The following MIR2052HG variants were observed in gnomAD, a reference collection of about 807,000 sequenced individuals.
The protein encoded by MIR2052HG is MIR2052 host gene.
intron 2 of MIR2052HG, among the ~76,000 whole-genome samples, chr8:74,681,461 G>A (rs899765323): frequency 1.3e-5 from 2 of 152,120 alleles, no homozygotes; most frequent in Non-Finnish European, 1.5e-5. Context: ...AGAGAGCCTG[G>A]TATTAAAGCA....
intron 4 of MIR2052HG, among the ~76,000 whole-genome samples, chr8:74,710,727 T>C (rs1809458932): frequency 6.6e-6 from 1 of 152,126 alleles, no homozygotes; most frequent in African/African-American, 2.4e-5. Context: ...ACTTATGGGG[T>C]TCATACAAAG....
At chr8:74,658,119 C>G (rs1456920155) in intron 2 of MIR2052HG, among the ~76,000 whole-genome samples, 1 of 152,104 alleles carries the variant, frequency 6.6e-6, no homozygotes, top group African/African-American at 2.4e-5. Context: ...TTTTCAAATA[C>G]CTATATACTC....
At chr8:74,714,669 G>A (rs1464436148) in intron 4 of MIR2052HG, among the ~76,000 whole-genome samples, 1 of 149,898 alleles carries the variant, frequency 6.7e-6, no homozygotes. Flanking sequence ...AGTAATGAAA[G>A]CCTTCTTTGG....
At chr8:74,703,482 G>A (rs1044611599) in intron 3 of MIR2052HG, 9 of 254,620 alleles carry the variant, frequency 3.5e-5, no homozygotes, top group African/African-American at 1.6e-4. Context: ...GCACCCAAAC[G>A]ATGACTGTAC....
chr8:74,696,062 A>T (rs1809292747), intron 2 of MIR2052HG, among the ~76,000 whole-genome samples: 1 of 152,174 alleles, frequency 6.6e-6, no homozygotes, highest in African/African-American at 2.4e-5. Flanking sequence ...AAGATAAACC[A>T]TATAATAGGC....
intron 4 of MIR2052HG, among the ~76,000 whole-genome samples, chr8:74,745,093 TACA>T (rs1809870281): frequency 6.6e-6 from 1 of 151,762 alleles, no homozygotes; most frequent in Non-Finnish European, 1.5e-5. Context: ...GTCCTGTCTC[TACA>T]AAAAAAAATG....
At chr8:74,736,127 T>C (rs550175218) in intron 4 of MIR2052HG, among the ~76,000 whole-genome samples, 29 of 152,314 alleles carry the variant, frequency 1.9e-4, no homozygotes, top group African/African-American at 7.0e-4. Flanking sequence ...TTAAAGTTTC[T>C]TGATCTGTGA....
At chr8:74,686,805 C>A (rs574551864) in intron 2 of MIR2052HG, among the ~76,000 whole-genome samples, 2 of 152,170 alleles carry the variant, frequency 1.3e-5, no homozygotes, top group South Asian at 4.1e-4. Flanking sequence ...ACTGGACTTA[C>A]CATTTATGTC....
intron 4 of MIR2052HG, among the ~76,000 whole-genome samples, chr8:74,715,697 C>T (rs923581949): frequency 6.6e-6 from 1 of 152,112 alleles, no homozygotes; most frequent in Non-Finnish European, 1.5e-5. Flanking sequence ...TGTAACTTGT[C>T]CCAGGCAAGG....
At chr8:74,744,241 T>C (rs1412144000) in intron 4 of MIR2052HG, among the ~76,000 whole-genome samples, 1 of 151,808 alleles carries the variant, frequency 6.6e-6, no homozygotes, top group Non-Finnish European at 1.5e-5. Flanking sequence ...AATCTTTTTT[T>C]AAATTTTTTT....
intron 1 of MIR2052HG, chr8:74,603,982 G>C (rs754836138): frequency 3.0e-5 from 29 of 964,782 alleles, no homozygotes; most frequent in Non-Finnish European, 4.6e-5. Flanking sequence ...TGTGCTACTG[G>C]TCATAGAGCT....
chr8:74,746,149 C>G (rs918800305), intron 4 of MIR2052HG, among the ~76,000 whole-genome samples: 3 of 152,164 alleles, frequency 2.0e-5, no homozygotes, highest in African/African-American at 7.2e-5. Context: ...CTCTCAATCA[C>G]TCGCAATGTA....
intron 2 of MIR2052HG, among the ~76,000 whole-genome samples, chr8:74,681,769 A>G (rs2128739129): frequency 1.3e-5 from 2 of 152,294 alleles, no homozygotes; most frequent in South Asian, 4.1e-4. Context: ...AGGCTCCAGA[A>G]CCATGAGTCA....
chr8:74,648,380 C>T (rs909814639), intron 2 of MIR2052HG, among the ~76,000 whole-genome samples: 5 of 152,128 alleles, frequency 3.3e-5, no homozygotes, highest in African/African-American at 7.2e-5. Flanking sequence ...TGTCTGCTCT[C>T]GAACTCTGTT....
intron 2 of MIR2052HG, among the ~76,000 whole-genome samples, chr8:74,631,902 TG>T (rs1455724191): frequency 6.6e-6 from 1 of 152,156 alleles, no homozygotes; most frequent in Non-Finnish European, 1.5e-5. Flanking sequence ...TTCTTTTATA[TG>T]GGCACAAATC....
chr8:74,685,660 A>C (rs1809173261), intron 2 of MIR2052HG, among the ~76,000 whole-genome samples: 1 of 152,142 alleles, frequency 6.6e-6, no homozygotes, highest in African/African-American at 2.4e-5. Flanking sequence ...GACTTTAGGC[A>C]TAATAATTGC....
intron 2 of MIR2052HG, among the ~76,000 whole-genome samples, chr8:74,661,523 T>C (rs1418461027): frequency 3.9e-5 from 6 of 152,116 alleles, no homozygotes; most frequent in Admixed American, 3.9e-4. Context: ...ACATTAAAGA[T>C]AAATCTAAAA....
chr8:74,696,283 G>A (rs1348125977), intron 2 of MIR2052HG, among the ~76,000 whole-genome samples: 2 of 152,014 alleles, frequency 1.3e-5, no homozygotes, highest in Admixed American at 6.6e-5. Flanking sequence ...AACGATAATA[G>A]TGACACAACC....
chr8:74,657,628 C>T (rs1485479413), intron 2 of MIR2052HG, among the ~76,000 whole-genome samples: 2 of 152,296 alleles, frequency 1.3e-5, no homozygotes, highest in African/African-American at 4.8e-5. Flanking sequence ...GCTGGGGAGG[C>T]CTCACAATCA....
Sources: gnomAD v4.1 joint callset for allele counts (sites outside exome capture counted in the v4.1 genomes callset) on GRCh38, gnomAD v4.1.1 for gene constraint, MANE v1.5 for transcripts, NCBI Gene and HGNC (gene_info 2026-07-23, HGNC 2026-07-21) for gene names.